Variants in KIAA0753 observed in about 807,000 individuals in gnomAD.
KIAA0753 encodes protein moonraker.
In KIAA0753, 114 loss-of-function variants were observed where a neutral mutation model predicts 116.9. The observed-to-expected ratio is 0.98, with a 90% CI of 0.84 to 1.14. The LOEUF (loss-of-function observed/expected upper bound fraction) is 1.14, where lower values mean the gene tolerates loss of function less well. Ranked by LOEUF, KIAA0753 falls within the 50% of genes most tolerant of loss-of-function variation. The pLI, the probability that KIAA0753 is intolerant of heterozygous loss-of-function variation, is 0.00. For synonymous variants in KIAA0753, 405 were observed against 413.1 expected (o/e 0.98, Z 0.24); for missense variants, 1,156 against 1,172.4 (o/e 0.99, Z 0.20).
intron 6 of KIAA0753, among the ~76,000 whole-genome samples, chr17:6,621,414 A>C (rs982144604): frequency 2.6e-5 from 4 of 152,210 alleles, no homozygotes; most frequent in African/African-American, 9.7e-5. Context: ...CCTGAACTAA[A>C]GACCACTTAA....
rs1419526960 is a variant in KIAA0753, at chr17:6,625,041, G to T, written c.719-180C>A. Among the ~76,000 whole-genome samples, 3 of 152,172 alleles carry T rather than the reference G, an allele frequency of 2.0e-5. No individual in the cohort carries two copies. The East Asian group carries it at 5.8e-4, about 29-fold the overall frequency. On this transcript the variant is annotated intron_variant, in intron 3 of 18. Coordinates refer to ENST00000361413, the MANE Select transcript of KIAA0753 (RefSeq NM_014804.3). Reference sequence around the variant, plus strand: ...TCAGCCAAGAAACCAGCAGTAAGTGGAGCTGTGTACTGACTGAGAGATGGA... The same window carrying T: ...TCAGCCAAGAAACCAGCAGTAAGTGTAGCTGTGTACTGACTGAGAGATGGA...
At chr17:6,591,424 T>G (rs533647214) in intron 16 of KIAA0753, among the ~76,000 whole-genome samples, 1 of 152,336 alleles carries the variant, frequency 6.6e-6, no homozygotes, top group Non-Finnish European at 1.5e-5. Flanking sequence ...GCAATCAAAT[T>G]TTCAATTGTT....
Position 6,589,968 on chromosome 17 carries a change from G to C in KIAA0753, c.2597C>G (p.Ser866Ter). ...GAGAAGAGGGGCCTCTCTTTTCTCT[G>C]ATCCTTCCTCTGTTCCCACACTTTC... ...LDESVGTEEG[S>*]EKREAPLLSL... is the part of the protein sequence containing the mutation. Residue 866 changes from serine to a stop codon, truncating the protein, a stop_gained, in exon 18 of 19, where the codon TCA (serine) becomes TGA (stop). Coordinates refer to ENST00000361413, the MANE Select transcript of KIAA0753 (RefSeq NM_014804.3). LOFTEE classifies it high-confidence loss of function. 3.1e-6 allele frequency: 5 copies of C among 1,592,742 alleles called. No individual in the cohort carries two copies. The highest frequency in any genetic ancestry group is 4.3e-6 in the Non-Finnish European group (5 of 1,172,706).
At chr17:6,608,150 G>A (rs773729019) in intron 10 of KIAA0753, among the ~76,000 whole-genome samples, 198 bp downstream of exon 10, 5 of 152,152 alleles carry the variant, frequency 3.3e-5, no homozygotes, top group Admixed American at 1.3e-4. Flanking sequence ...AGAAAAAATA[G>A]AAGAGCTCAC....
chr17:6,584,089 C>A (rs1229592212), intron 18 of KIAA0753, among the ~76,000 whole-genome samples: 2 of 151,990 alleles, frequency 1.3e-5, no homozygotes, highest in African/African-American at 4.8e-5. Flanking sequence ...AGAGTGCAAT[C>A]TTTTAGGAGC....
intron 9 of KIAA0753, among the ~76,000 whole-genome samples, chr17:6,609,497 C>T (rs912061152): frequency 2.0e-5 from 3 of 152,348 alleles, no homozygotes; most frequent in African/African-American, 4.8e-5. Context: ...ATCCTAATTG[C>T]TCCCTGCAGC....
At chr17:6,596,782 G>A (rs2150776735) in intron 14 of KIAA0753, among the ~76,000 whole-genome samples, 1 of 152,298 alleles carries the variant, frequency 6.6e-6, no homozygotes, top group South Asian at 2.1e-4. Context: ...AGGATTCTTT[G>A]TCTTTGAAAC....
At chr17:6,631,493 G>A (rs149119441) in intron 2 of KIAA0753, among the ~76,000 whole-genome samples, 1 of 152,172 alleles carries the variant, frequency 6.6e-6, no homozygotes, top group Non-Finnish European at 1.5e-5. Context: ...TGTTGGATTT[G>A]AATTGGAGAT....
chr17:6,624,761 C>T lies in KIAA0753; in HGVS notation c.819G>A (p.Gln273=). ...CTCCCTGAACTTTTCACACCTGCTG[C>T]TGGAGGACGTAGAGCATTCGGGCAG... ...ARSARMLYVL[Q]QQVKEIQEEL... is the part of the protein sequence containing the mutation. The change falls in exon 4 of 19, where the codon CAG becomes CAA. Residue 273 remains glutamine, a synonymous_variant. Transcript: ENST00000361413. 2 of 1,557,074 alleles carry T rather than the reference C, an allele frequency of 1.3e-6. No individual in the cohort carries two copies. Among genetic ancestry groups the T allele is most frequent in the Non-Finnish European group, 1.7e-6 (2 of 1,148,862 alleles).
At position 6,623,056 on chromosome 17, in the gene KIAA0753, G is replaced by C. The variant is rs146456681; in HGVS notation, c.930C>G (p.Ala310=). Residue 310 remains alanine, a synonymous_variant, in exon 6 of 19, where the codon GCC becomes GCG. Transcript: ENST00000361413. The stretch of plus-strand genomic sequence containing the variant: ...TGACAAACATCTGTAAGGCCCGAAT[G>C]GCTCCTCGATGGGCAGCCGCCAGCT... ...MSKLAAAHRG[A]IRALQMFVTQ... is the part of the protein sequence containing the mutation. The C allele has an allele frequency of 1.7e-5, 27 of 1,614,056 alleles. No individual in the cohort carries two copies. In the African/African-American group the frequency reaches 3.5e-4, roughly 21 times the overall value.
At chr17:6,586,994 AGAGGCT>A (rs1968622749) in intron 18 of KIAA0753, among the ~76,000 whole-genome samples, 1 of 152,118 alleles carries the variant, frequency 6.6e-6, no homozygotes, top group Non-Finnish European at 1.5e-5. Context: ...CAGCACTTTG[AGAGGCT>A]GAGGCGGGTG....
At chr17:6,610,814 T>C (rs922450810) in intron 8 of KIAA0753, among the ~76,000 whole-genome samples, 8 of 152,160 alleles carry the variant, frequency 5.3e-5, no homozygotes, top group African/African-American at 1.9e-4. Flanking sequence ...TAGGTCTAAA[T>C]AGAATGAATC....
chr17:6,584,977 T>G (rs1228587069), intron 18 of KIAA0753, among the ~76,000 whole-genome samples: 2 of 152,000 alleles, frequency 1.3e-5, no homozygotes. Context: ...AATTTTTTGT[T>G]TTTTGTAGAG....
At chr17:6,630,093 G>A (rs566162114) in intron 2 of KIAA0753, among the ~76,000 whole-genome samples, 18 of 152,098 alleles carry the variant, frequency 1.2e-4, no homozygotes, top group African/African-American at 3.9e-4. Context: ...CTGCACTCAA[G>A]CTTGGGTGAC....
chr17:6,618,713 G>C (rs1223958054), intron 7 of KIAA0753, among the ~76,000 whole-genome samples: 1 of 152,144 alleles, frequency 6.6e-6, no homozygotes, highest in Non-Finnish European at 1.5e-5. Context: ...CCACAGAATA[G>C]TGGCAGATTG....
intron 18 of KIAA0753, among the ~76,000 whole-genome samples, chr17:6,587,096 G>T (rs1441567738): frequency 6.6e-6 from 1 of 152,164 alleles, no homozygotes; most frequent in Non-Finnish European, 1.5e-5. Context: ...GCCAGGTGTA[G>T]TAGCCAGTAC....
intron 18 of KIAA0753, among the ~76,000 whole-genome samples, chr17:6,583,417 C>T (rs1968338618): frequency 6.6e-6 from 1 of 152,058 alleles, no homozygotes; most frequent in Non-Finnish European, 1.5e-5. Context: ...GAAGTGATGG[C>T]CATTATCTCT....
In KIAA0753 at chr17:6,608,421, T is replaced by C. The variant is rs61735441; in HGVS notation, c.1756A>G (p.Lys586Glu). ...KVKTSPRDAT[K>E]EPLQQEDPQE... Reference sequence around the variant, plus strand: ...GGATCTTCTTGCTGGAGAGGCTCTTTTGTGGCATCTCTGGGGCTAGTTTTC... The same window carrying C: ...GGATCTTCTTGCTGGAGAGGCTCTTCTGTGGCATCTCTGGGGCTAGTTTTC... The change falls in exon 10 of 19, where the codon AAA (lysine) becomes GAA (glutamate). Residue 586 changes from lysine to glutamate, a missense_variant. Lys to Glu is a moderately conservative substitution (Grantham distance 56). Transcript: ENST00000361413. 8.9e-3 allele frequency: 13,995 copies of C among 1,568,062 alleles called. 93 individuals carry two copies. Among genetic ancestry groups the C allele is most frequent in the Non-Finnish European group, 0.01 (11,658 of 1,152,544 alleles).
chr17:6,579,601 C>T lies in KIAA0753; in HGVS notation c.*146G>A, dbSNP rs1967990311. ...AAAAGAAAATGCAAAGTGAGGATGA[C>T]CTCCCCGGCACTGCCTTCCTTTCAG... On this transcript the variant is annotated 3_prime_UTR_variant, in exon 19 of 19. Coordinates refer to ENST00000361413, the MANE Select transcript of KIAA0753 (RefSeq NM_014804.3). The T allele has an allele frequency of 6.1e-6, 4 of 654,296 alleles. No individual in the cohort carries two copies. Among genetic ancestry groups the T allele is most frequent in the African/African-American group, 1.8e-5 (1 of 55,578 alleles). The allele number at this position is 654,296 out of a possible 1,614,324, so 40.5% of individuals were successfully genotyped here. A position where few individuals can be genotyped will look rare whatever the true frequency, so the allele number is the denominator to read the frequency against.
Sources: allele counts gnomAD v4.1 joint callset (sites outside exome capture counted in the v4.1 genomes callset), GRCh38; gene constraint gnomAD v4.1.1; transcripts MANE v1.5; gene names NCBI Gene and HGNC (gene_info 2026-07-23, HGNC 2026-07-21).